The following THSD7A variants were observed in gnomAD, a reference collection of about 807,000 sequenced individuals.
THSD7A encodes the protein thrombospondin type 1 domain containing 7A.
THSD7A carries 96 observed loss-of-function variants against 231.3 expected under a neutral mutation model. The ratio of observed to expected loss-of-function variants is 0.41; its 90% CI spans 0.35 to 0.49. The LOEUF is 0.49. Among genes scored for constraint, THSD7A ranks in the 20% least tolerant of loss-of-function variants. THSD7A has a pLI of 0.05. For synonymous variants in THSD7A, 940 were observed against 743.3 expected, an observed-to-expected ratio of 1.26 and a Z score of -4.30; for missense variants, 2,290 against 2,070.2, an observed-to-expected ratio of 1.11 and a Z score of -2.06.
In THSD7A at chr7:11,723,439, A is replaced by T. The variant is rs550298660; in HGVS notation, c.191-86478T>A. 5.9e-5 allele frequency among the ~76,000 whole-genome samples: 9 copies of T among 152,044 alleles called. No homozygotes were observed. In the South Asian group the frequency reaches 1.9e-3, roughly 32 times the overall value. ...ATGTATACATATGTAACAAACCTGC[A>T]CACTGTGCACATGTACCCTAAAACT... On this transcript the variant is annotated intron_variant, in intron 1 of 27. Coordinates refer to ENST00000423059, the MANE Select transcript of THSD7A (RefSeq NM_015204.3).
chr7:11,464,125 TTTTTC>T (rs1785607972), intron 9 of THSD7A, among the ~76,000 whole-genome samples: 1 of 152,160 alleles, frequency 6.6e-6, no homozygotes, highest in African/African-American at 2.4e-5. Flanking sequence ...AATTTCTATT[TTTTTC>T]TTTTGTTTTA....
intron 2 of THSD7A, among the ~76,000 whole-genome samples, chr7:11,594,537 C>T (rs932969208): frequency 6.6e-6 from 1 of 152,064 alleles, no homozygotes; most frequent in African/African-American, 2.4e-5. Flanking sequence ...ATGCATTTGA[C>T]GCTCCTGATT....
At chr7:11,788,802 G>A (rs977474891) in intron 1 of THSD7A, among the ~76,000 whole-genome samples, 11 of 151,926 alleles carry the variant, frequency 7.2e-5, no homozygotes, top group Non-Finnish European at 1.3e-4. Context: ...CAAACATTCA[G>A]TGTTTTTCTG....
chr7:11,610,210 C>T (rs1200369063), intron 2 of THSD7A, among the ~76,000 whole-genome samples: 1 of 152,068 alleles, frequency 6.6e-6, no homozygotes, highest in African/African-American at 2.4e-5. Context: ...GAAAACGACA[C>T]TTGATTATAT....
At chr7:11,827,035 G>A (rs1785053019) in intron 1 of THSD7A, among the ~76,000 whole-genome samples, 1 of 151,812 alleles carries the variant, frequency 6.6e-6, no homozygotes, top group African/African-American at 2.4e-5. Flanking sequence ...ACAGGATCTT[G>A]CTCTGTCGCC....
chr7:11,672,235 A>G (rs1319599991), intron 1 of THSD7A, among the ~76,000 whole-genome samples: 2 of 152,102 alleles, frequency 1.3e-5, no homozygotes, highest in African/African-American at 4.8e-5. Flanking sequence ...CCTCCTTATA[A>G]GATTTTTTGT....
chr7:11,501,005 C>A (rs1787311996), intron 6 of THSD7A, among the ~76,000 whole-genome samples: 2 of 144,948 alleles, frequency 1.4e-5, no homozygotes, highest in African/African-American at 5.2e-5. Context: ...GATTTCAAAC[C>A]AACAAAGATA....
chr7:11,502,563 G>A (rs1787381328), intron 6 of THSD7A, among the ~76,000 whole-genome samples: 1 of 152,022 alleles, frequency 6.6e-6, no homozygotes, highest in Admixed American at 6.6e-5. Flanking sequence ...ATTCAGAAAA[G>A]TCTTTTGATA....
intron 1 of THSD7A, among the ~76,000 whole-genome samples, chr7:11,794,539 G>A (rs1173126536): frequency 1.3e-5 from 2 of 151,836 alleles, no homozygotes; most frequent in African/African-American, 4.8e-5. Flanking sequence ...CATGATATAA[G>A]GATTTAATTC....
chr7:11,585,679 G>A (rs1443247468), intron 4 of THSD7A, among the ~76,000 whole-genome samples: 1 of 152,134 alleles, frequency 6.6e-6, no homozygotes, highest in Non-Finnish European at 1.5e-5. Context: ...GTCTGGGGTC[G>A]TGGGTGGCCA....
At chr7:11,426,770 T>C (rs1784334366) in intron 14 of THSD7A, 99 bp from the exon 15 acceptor site, 2 of 1,308,766 alleles carry the variant, frequency 1.5e-6, no homozygotes, top group African/African-American at 1.5e-5. Context: ...GTTTCAAGTA[T>C]TATTACTTAC....
chr7:11,396,681 A>G, intron 23 of THSD7A, among the ~76,000 whole-genome samples: 1 of 152,212 alleles, frequency 6.6e-6, no homozygotes, highest in East Asian at 1.9e-4. Flanking sequence ...ACAGATCCAC[A>G]GCCACATTCT....
At chr7:11,718,455 G>C (rs1781219842) in intron 1 of THSD7A, among the ~76,000 whole-genome samples, 1 of 151,598 alleles carries the variant, frequency 6.6e-6, no homozygotes, top group South Asian at 2.1e-4. Context: ...TTTGCAGCTT[G>C]AATACTGGTA....
chr7:11,408,036 G>T (rs1471186929), intron 19 of THSD7A, among the ~76,000 whole-genome samples: 1 of 152,046 alleles, frequency 6.6e-6, no homozygotes, highest in African/African-American at 2.4e-5. Flanking sequence ...CTTAACTGTG[G>T]TATAATTCAG....
At chr7:11,652,398 G>A (rs1166250976) in intron 1 of THSD7A, among the ~76,000 whole-genome samples, 1 of 151,920 alleles carries the variant, frequency 6.6e-6, no homozygotes. Flanking sequence ...TTATTTACAA[G>A]ACACTGTAGA....
At chr7:11,415,073 C>A (rs115158780) in intron 17 of THSD7A, among the ~76,000 whole-genome samples, 1 of 152,170 alleles carries the variant, frequency 6.6e-6, no homozygotes, top group Admixed American at 6.5e-5. Context: ...GAACTATACC[C>A]TCTTTGGATG....
chr7:11,781,413 T>C (rs1027006381), intron 1 of THSD7A, among the ~76,000 whole-genome samples: 2 of 151,964 alleles, frequency 1.3e-5, no homozygotes, highest in Admixed American at 1.3e-4. Flanking sequence ...ACCACTGTAC[T>C]CTTGCCTGGG....
intron 23 of THSD7A, among the ~76,000 whole-genome samples, chr7:11,391,359 C>G (rs1351204688): frequency 6.6e-6 from 1 of 152,218 alleles, no homozygotes; most frequent in African/African-American, 2.4e-5. Flanking sequence ...GTTGTGGGCT[C>G]TGCCCAGTTT....
intron 5 of THSD7A, among the ~76,000 whole-genome samples, chr7:11,542,630 T>TTAAC (rs1789200833): frequency 6.6e-6 from 1 of 152,182 alleles, no homozygotes; most frequent in Non-Finnish European, 1.5e-5. Context: ...GACAAAGGTT[T>TTAAC]AGATATGTTA....
Sources: allele counts gnomAD v4.1 joint callset (sites outside exome capture counted in the v4.1 genomes callset), GRCh38; gene constraint gnomAD v4.1.1; transcripts MANE v1.5; gene names NCBI Gene and HGNC (gene_info 2026-07-23, HGNC 2026-07-21).